GMPS: variants seen among roughly 807,000 people sequenced by gnomAD.
GMPS encodes guanosine monophosphate synthase.
In GMPS, 15 loss-of-function variants were observed where a neutral mutation model predicts 77.9. The observed-to-expected ratio is 0.19, with a 90% CI of 0.13 to 0.30. GMPS has a LOEUF of 0.30. Ranked by LOEUF, GMPS falls within the 10% of genes least tolerant of loss-of-function variation. GMPS has a pLI of 1.00. For synonymous variants in GMPS, 224 were observed against 275.9 expected (o/e 0.81, Z 1.86); for missense variants, 590 against 838.8 (o/e 0.70, Z 3.66).
At chr3:155,908,783 A>G (rs1198210369) in intron 5 of GMPS, among the ~76,000 whole-genome samples, 1 of 152,192 alleles carries the variant, frequency 6.6e-6, no homozygotes, top group Non-Finnish European at 1.5e-5. Context: ...ATGGTTTATT[A>G]AACATCAAAA....
In GMPS at chr3:155,911,520, C is replaced by T. The variant is rs116659322; in HGVS notation, c.886+241C>T. On this transcript the variant is annotated intron_variant, in intron 7 of 15. Coordinates refer to ENST00000496455, the MANE Select transcript of GMPS (RefSeq NM_003875.3). ...CATTTTCTAGCTACTGTTCAGTTCT[C>T]TTCTAGTCATTCACTTTTAAAATTA... Among the ~76,000 whole-genome samples the T allele has an allele frequency of 6.4e-3, 973 of 152,174 alleles. 18 individuals carry two copies. The highest frequency in any genetic ancestry group is 0.023 in the African/African-American group (945 of 41,516).
chr3:155,880,218 T>G (rs186810631), intron 1 of GMPS, among the ~76,000 whole-genome samples: 1 of 152,336 alleles, frequency 6.6e-6, no homozygotes, highest in African/African-American at 2.4e-5. Context: ...TTTGCTCTTA[T>G]TTATGTCTTT....
At chr3:155,886,452 G>A (rs1373362504) in intron 1 of GMPS, among the ~76,000 whole-genome samples, 1 of 150,808 alleles carries the variant, frequency 6.6e-6, no homozygotes, top group Admixed American at 6.6e-5. Flanking sequence ...GCAGGTGCCT[G>A]TAATCCCAGC....
intron 1 of GMPS, among the ~76,000 whole-genome samples, chr3:155,876,513 G>C (rs1401954646): frequency 6.6e-6 from 1 of 152,200 alleles, no homozygotes; most frequent in Non-Finnish European, 1.5e-5. Flanking sequence ...TAAGGTGAAA[G>C]TTTAACAAAC....
intron 3 of GMPS, among the ~76,000 whole-genome samples, chr3:155,900,734 A>T (rs1250484461): frequency 6.6e-6 from 1 of 152,120 alleles, no homozygotes; most frequent in Non-Finnish European, 1.5e-5. Context: ...TGCCTTTATT[A>T]TCAGCTGAAC....
intron 11 of GMPS, among the ~76,000 whole-genome samples, chr3:155,925,015 C>T (rs1755415994): frequency 1.3e-5 from 2 of 152,144 alleles, no homozygotes; most frequent in South Asian, 4.1e-4. Context: ...GTACTAAAGC[C>T]TGAATGTATG....
intron 7 of GMPS, among the ~76,000 whole-genome samples, chr3:155,913,429 G>A (rs534261056): frequency 2.0e-5 from 3 of 152,172 alleles, no homozygotes; most frequent in Admixed American, 6.5e-5. Context: ...TTTAGGAGCC[G>A]GTGCTTTTGA....
In GMPS at chr3:155,914,525, A is replaced by G. The variant is rs61750369; in HGVS notation, c.993A>G (p.Thr331=). The change falls in exon 8 of 16, where the codon ACA becomes ACG. Residue 331 remains threonine (T), a synonymous_variant. Transcript: ENST00000496455. ...TTAGCAAAACGTTAAATATGACCACAAGTCCTGAAGAGAAAAGAAAAATCA... is the reference window on the plus strand; with the variant it reads ...TTAGCAAAACGTTAAATATGACCACGAGTCCTGAAGAGAAAAGAAAAATCA... ...KRISKTLNMT[T]SPEEKRKIIG... is the part of the protein sequence containing the mutation. 81,793 of 1,597,716 alleles carry G rather than the reference A, an allele frequency of 0.051. 3,088 individuals carry two copies. The highest frequency in any genetic ancestry group is 0.17 in the East Asian group (7,390 of 44,114).
At chr3:155,871,032 C>T in intron 1 of GMPS, 135 bp downstream of exon 1, 1 of 724,510 alleles carries the variant, frequency 1.4e-6, no homozygotes, top group Non-Finnish European at 2.0e-6. Context: ...GGCAGCCACG[C>T]GTCGTAGAGT....
At chr3:155,912,399 G>A (rs549194812) in intron 7 of GMPS, among the ~76,000 whole-genome samples, 1 of 152,338 alleles carries the variant, frequency 6.6e-6, no homozygotes, top group South Asian at 2.1e-4. Flanking sequence ...TCCTGGGAAG[G>A]TCCCCAATGG....
chr3:155,923,375 A>C (rs975915818), intron 11 of GMPS, among the ~76,000 whole-genome samples: 1 of 152,142 alleles, frequency 6.6e-6, no homozygotes, highest in African/African-American at 2.4e-5. Flanking sequence ...AGAAGGAAAT[A>C]ATAGAAAAAA....
intron 1 of GMPS, among the ~76,000 whole-genome samples, chr3:155,874,562 G>A (rs569425671): frequency 6.6e-5 from 10 of 152,064 alleles, no homozygotes; most frequent in East Asian, 5.8e-4. Flanking sequence ...ATTTTATTCC[G>A]TTAGGATATT....
chr3:155,901,750 G>A (rs1577514012), intron 3 of GMPS, among the ~76,000 whole-genome samples: 1 of 151,914 alleles, frequency 6.6e-6, no homozygotes, highest in South Asian at 2.1e-4. Flanking sequence ...AGATTCATAC[G>A]TTTATTTGCC....
chr3:155,932,212 G>C (rs1456813373), intron 13 of GMPS, among the ~76,000 whole-genome samples: 3 of 151,218 alleles, frequency 2.0e-5, no homozygotes, highest in Admixed American at 6.6e-5. Flanking sequence ...TGGTTTTATG[G>C]TAACATGTTT....
At chr3:155,916,950 A>G (rs1755195523) in intron 9 of GMPS, among the ~76,000 whole-genome samples, 1 of 152,002 alleles carries the variant, frequency 6.6e-6, no homozygotes, top group African/African-American at 2.4e-5. Flanking sequence ...AAAAACACAT[A>G]ACATAAAGCT....
chr3:155,937,793 C>T lies in GMPS; in HGVS notation c.*101C>T. On this transcript the variant is annotated 3_prime_UTR_variant, in exon 16 of 16. Coordinates refer to ENST00000496455, the MANE Select transcript of GMPS (RefSeq NM_003875.3). ...ACTGTGAAAAGAGTTACTGGAGCAG[C>T]TACATCACATCTGAGTTCTCCACAG... The T allele has an allele frequency of 1.5e-6, 1 of 655,700 alleles. No homozygotes were observed. The highest frequency in any genetic ancestry group is 1.9e-5 in the South Asian group (1 of 52,090). 40.6% of individuals were successfully genotyped at this position (655,700 alleles called of 1,614,324 possible).
At chr3:155,923,834 T>TG (rs1326037114) in intron 11 of GMPS, among the ~76,000 whole-genome samples, 7 of 152,194 alleles carry the variant, frequency 4.6e-5, no homozygotes, top group Non-Finnish European at 8.8e-5. Flanking sequence ...GACCTGGGCA[T>TG]TCCAAGTAAT....
At chr3:155,903,442 A>C (rs1277353696) in intron 3 of GMPS, among the ~76,000 whole-genome samples, 1 of 152,240 alleles carries the variant, frequency 6.6e-6, no homozygotes, top group African/African-American at 2.4e-5. Flanking sequence ...GCTTGGAAAA[A>C]TGTATTGTCT....
intron 1 of GMPS, among the ~76,000 whole-genome samples, chr3:155,882,484 T>G (rs1215438022): frequency 6.6e-6 from 1 of 152,240 alleles, no homozygotes; most frequent in Non-Finnish European, 1.5e-5. Flanking sequence ...TTATCCGTCA[T>G]TATCAGGTTT....
Sources: gnomAD v4.1 joint callset for allele counts (sites outside exome capture counted in the v4.1 genomes callset) on GRCh38, gnomAD v4.1.1 for gene constraint, MANE v1.5 for transcripts, NCBI Gene and HGNC (gene_info 2026-07-23, HGNC 2026-07-21) for gene names.